GCNT2: variants seen among roughly 807,000 people sequenced by gnomAD.
GCNT2 encodes the protein N-acetyllactosaminide beta-1,6-N-acetylglucosaminyl-transferase.
A neutral mutation model predicts 34.2 loss-of-function variants in GCNT2; 34 were observed. The ratio of observed to expected loss-of-function variants is 1.00; its 90% CI spans 0.76 to 1.32. GCNT2 has a LOEUF of 1.32. GCNT2 is among the 40% of genes most tolerant of loss of function. The probability of loss-of-function intolerance (pLI) is 0.00; values close to 1 mark genes in which losing one functional copy is unlikely to be tolerated. For synonymous variants in GCNT2, 212 were observed against 188.0 expected (o/e 1.13, Z -1.04); for missense variants, 584 against 489.4 (o/e 1.19, Z -1.82).
Position 10,528,925 on chromosome 6 carries a change from G to A in GCNT2, c.14G>A (p.Trp5Ter), listed in dbSNP as rs185805779. The change falls in exon 3 of 5, where the codon TGG becomes TAG. Residue 5 changes from tryptophan to a stop codon, truncating the protein, a stop_gained. Coordinates refer to ENST00000495262, the MANE Select transcript of GCNT2 (RefSeq NM_145649.5). LOFTEE classifies it high-confidence loss of function. ...TCCTGGTTGTGAATGATGGGCTCTT[G>A]GAAGCACTGTCTTTTTAGCGCGTCT... MMGS[W>*]KHCLFSASLI... is the part of the protein sequence containing the mutation. 1.6e-4 allele frequency: 259 copies of A among 1,612,896 alleles called. No individual in the cohort carries two copies. Among genetic ancestry groups the A allele is most frequent in the South Asian group, 1.2e-3 (111 of 91,052 alleles).
intron 3 of GCNT2, among the ~76,000 whole-genome samples, chr6:10,540,683 A>G (rs756497733): frequency 8.5e-5 from 13 of 152,202 alleles, no homozygotes; most frequent in Admixed American, 2.0e-4. Flanking sequence ...TGGAAGAGAA[A>G]TCGTCTGCAT....
intron 3 of GCNT2, among the ~76,000 whole-genome samples, chr6:10,585,074 TGTGTGC>T (rs879409767): frequency 0.011 from 1,101 of 96,176 alleles, 22 homozygotes; most frequent in Admixed American, 0.043. Context: ...TGTGTGTGTG[TGTGTGC>T]GCGCTATATT....
At chr6:10,557,184 A>C in intron 3 of GCNT2, 1 of 1,554,148 alleles carries the variant, frequency 6.4e-7, no homozygotes, top group Non-Finnish European at 8.7e-7. Flanking sequence ...CCTCCCCCCC[A>C]TAATCTCACA....
At chr6:10,539,813 T>C (rs150329457) in intron 3 of GCNT2, among the ~76,000 whole-genome samples, 1 of 152,356 alleles carries the variant, frequency 6.6e-6, no homozygotes, top group East Asian at 1.9e-4. Flanking sequence ...AGGCCGGGCA[T>C]GATGGCTCAT....
chr6:10,565,067 G>A (rs78459358), intron 3 of GCNT2, among the ~76,000 whole-genome samples: 4,411 of 152,290 alleles, frequency 0.029, 212 homozygotes, highest in African/African-American at 0.1. Flanking sequence ...AGCCAGCCAC[G>A]CACTTGTGAA....
intron 3 of GCNT2, among the ~76,000 whole-genome samples, chr6:10,554,715 A>G (rs1486197821): frequency 1.3e-5 from 2 of 152,196 alleles, no homozygotes; most frequent in Non-Finnish European, 2.9e-5. Flanking sequence ...TAAATTTTAG[A>G]TCATTCTCTT....
intron 3 of GCNT2, among the ~76,000 whole-genome samples, chr6:10,535,924 T>C (rs1761731397): frequency 1.3e-5 from 2 of 152,198 alleles, no homozygotes; most frequent in African/African-American, 2.4e-5. Context: ...GGATATTCCA[T>C]GGCAGGCATC....
At chr6:10,529,932 C>A in intron 3 of GCNT2, 96 bp downstream of exon 3, 1 of 1,015,064 alleles carries the variant, frequency 9.9e-7, no homozygotes, top group Non-Finnish European at 1.5e-6. Flanking sequence ...ATGGGACAAA[C>A]TTCTTTACGG....
intron 3 of GCNT2, among the ~76,000 whole-genome samples, chr6:10,536,222 G>A (rs1270657272): frequency 2.0e-5 from 3 of 152,152 alleles, no homozygotes; most frequent in East Asian, 3.8e-4. Flanking sequence ...CAAACCAATC[G>A]AGCACACAGA....
Position 10,529,635 on chromosome 6 carries a change from T to C in GCNT2, c.724T>C (p.Ser242Pro). ...CCAAGAACTGTTAAACCACAAAAATTCCTACGTGATTAAAACAACAAAATT... is the reference window on the plus strand; with the variant it reads ...CCAAGAACTGTTAAACCACAAAAATCCCTACGTGATTAAAACAACAAAATT... ...VHQELLNHKN[S>P]YVIKTTKLKT... Residue 242 changes from serine (S) to proline (P), a missense_variant, in exon 3 of 5, where the codon TCC (serine) becomes CCC (proline). Physicochemically the swap from Ser to Pro is moderately conservative, Grantham distance 74 (BLOSUM62 -1). Coordinates refer to ENST00000495262, the MANE Select transcript of GCNT2 (RefSeq NM_145649.5). The C allele has an allele frequency of 6.2e-7, 1 of 1,614,024 alleles. No homozygotes were observed.
intron 3 of GCNT2, among the ~76,000 whole-genome samples, chr6:10,534,699 A>G (rs763248320): frequency 2.0e-5 from 3 of 149,498 alleles, no homozygotes; most frequent in Non-Finnish European, 4.5e-5. Context: ...TGTCTCTACA[A>G]AAAAAAATCA....
At position 10,582,180 on chromosome 6, in the gene GCNT2, A is replaced by AAACATTT. The variant is rs1313899910; in HGVS notation, c.926-39170_926-39169insACATTTA. ...TATGTGTATAAAATATTTTATATAA[A>AAACATTT]ATATATTTTTATATAATATATAAAA... On this transcript the variant is annotated intron_variant, in intron 3 of 4. Coordinates refer to ENST00000495262, the MANE Select transcript of GCNT2 (RefSeq NM_145649.5). Among the ~76,000 whole-genome samples, 320 of 131,790 alleles carry AAACATTT rather than the reference A, an allele frequency of 2.4e-3. 1 individual carries two copies. The highest frequency in any genetic ancestry group is 7.8e-3 in the African/African-American group (276 of 35,280). The allele number at this position is 131,790 out of a possible 152,430, so 86.5% of individuals were successfully genotyped here.
At chr6:10,568,640 T>C (rs1402519736) in intron 3 of GCNT2, among the ~76,000 whole-genome samples, 1 of 152,222 alleles carries the variant, frequency 6.6e-6, no homozygotes, top group African/African-American at 2.4e-5. Flanking sequence ...TTATTCAGTA[T>C]AGACATCTCA....
At chr6:10,563,307 CAAT>C (rs1467948249) in intron 3 of GCNT2, among the ~76,000 whole-genome samples, 2 of 152,250 alleles carry the variant, frequency 1.3e-5, no homozygotes, top group South Asian at 2.1e-4. Context: ...AAAACATGTT[CAAT>C]AATAATGTCA....
At chr6:10,563,067 A>T (rs1452943951) in intron 3 of GCNT2, among the ~76,000 whole-genome samples, 4 of 152,118 alleles carry the variant, frequency 2.6e-5, no homozygotes. Context: ...AGGCAGGAGA[A>T]TCACTTGAAC....
At chr6:10,584,890 T>C (rs139189688) in intron 3 of GCNT2, among the ~76,000 whole-genome samples, 1 of 151,922 alleles carries the variant, frequency 6.6e-6, no homozygotes, top group East Asian at 2.0e-4. Flanking sequence ...ATCTGATCTC[T>C]CTTTCTTTTC....
chr6:10,525,297 CTA>C (rs757479354), intron 1 of GCNT2, among the ~76,000 whole-genome samples: 13 of 152,312 alleles, frequency 8.5e-5, no homozygotes, highest in Non-Finnish European at 1.8e-4. Context: ...AGCAACCAAA[CTA>C]TAAGTCTTTG....
chr6:10,587,667 C>T (rs771738023), intron 3 of GCNT2, among the ~76,000 whole-genome samples: 5 of 152,180 alleles, frequency 3.3e-5, no homozygotes, highest in South Asian at 2.1e-4. Flanking sequence ...TTTGGGAAAG[C>T]GTCCAAGGTA....
chr6:10,540,088 G>A (rs1440580414), intron 3 of GCNT2, among the ~76,000 whole-genome samples: 1 of 149,210 alleles, frequency 6.7e-6, no homozygotes, highest in South Asian at 2.1e-4. Context: ...AAAAAAAAAG[G>A]AAGGAAAGGA....
Sources: allele counts gnomAD v4.1 joint callset (sites outside exome capture counted in the v4.1 genomes callset), GRCh38; gene constraint gnomAD v4.1.1; transcripts MANE v1.5; gene names NCBI Gene and HGNC (gene_info 2026-07-23, HGNC 2026-07-21).